Variants in C2orf76 observed in about 807,000 individuals in gnomAD.
The protein encoded by C2orf76 is chromosome 2 open reading frame 76.
C2orf76 carries 23 observed loss-of-function variants against 16.9 expected under a neutral mutation model. That is an observed-to-expected ratio of 1.36 (90% confidence interval 0.98 to 1.93). C2orf76 has a LOEUF of 1.93. C2orf76 is among the 30% of genes most tolerant of loss of function. The pLI is 0.00. For synonymous variants in C2orf76, 48 were observed against 52.3 expected, an observed-to-expected ratio of 0.92 and a Z score of 0.35; for missense variants, 152 against 152.6, an observed-to-expected ratio of 1.00 and a Z score of 0.02.
At chr2:119,300,768 AT>A (rs1163514756), downstream of C2orf76, among the ~76,000 whole-genome samples, 1 of 152,254 alleles carries the variant, frequency 6.6e-6, no homozygotes, top group Non-Finnish European at 1.5e-5. Flanking sequence ...AAAGTATTAA[AT>A]ATTTCATGTA....
the C2orf76 span, among the ~76,000 whole-genome samples, chr2:119,287,839 A>T: frequency 0.46 from 69,863 of 152,102 alleles, 16,578 homozygotes; most frequent in African/African-American, 0.58. Flanking sequence ...CCAATTTCTT[A>T]TAATATTAGA....
At chr2:119,286,776 C>T in the C2orf76 span, among the ~76,000 whole-genome samples, 4 of 151,886 alleles carry the variant, frequency 2.6e-5, no homozygotes, top group African/African-American at 4.8e-5. Context: ...AGTGTCTCTG[C>T]GGTCAGGATG....
chr2:119,343,680 C>A (rs1190963645), intron 1 of C2orf76, among the ~76,000 whole-genome samples: 1 of 152,166 alleles, frequency 6.6e-6, no homozygotes, highest in East Asian at 1.9e-4. Flanking sequence ...TGCCTGTAGT[C>A]CCAGCTACTC....
At chr2:119,336,113 G>A (rs1159700788) in intron 2 of C2orf76, among the ~76,000 whole-genome samples, 1 of 152,016 alleles carries the variant, frequency 6.6e-6, no homozygotes, top group East Asian at 1.9e-4. Context: ...CCATTTCCCA[G>A]GCCAGGTACA....
At chr2:119,304,973 G>A (rs894901043) in intron 5 of C2orf76, among the ~76,000 whole-genome samples, 2 of 152,156 alleles carry the variant, frequency 1.3e-5, no homozygotes, top group African/African-American at 4.8e-5. Context: ...AACTGGCTGG[G>A]GATGAACCCT....
At chr2:119,286,615 G>A in the C2orf76 span, among the ~76,000 whole-genome samples, 2 of 152,136 alleles carry the variant, frequency 1.3e-5, no homozygotes, top group African/African-American at 2.4e-5. Context: ...GAGTGTGCTC[G>A]TGATTCGGAA....
In C2orf76 at chr2:119,321,204, T is replaced by C. The variant is rs1448271997; in HGVS notation, c.134A>G (p.Asp45Gly). The C allele has an allele frequency of 2.2e-6, 3 of 1,362,806 alleles. No individual in the cohort carries two copies. The highest frequency in any genetic ancestry group is 2.7e-5 in the South Asian group (2 of 74,262). The allele number at this position is 1,362,806 out of a possible 1,614,324, so 84.4% of individuals were successfully genotyped here. Residue 45 changes from aspartate (D) to glycine (G), a missense_variant and splice_region_variant, in exon 3 of 6, where the codon GAT (aspartate) becomes GGT (glycine). Asp to Gly is a moderately conservative substitution (Grantham distance 94, BLOSUM62 -1). Coordinates refer to ENST00000334816, the MANE Select transcript of C2orf76 (RefSeq NM_001322331.2). ...TGGCAGGTTGGTCCTTAAAGGGATA[T>C]CTACAAGAGAAAGATTATTTTTTTA... is the stretch of plus-strand genomic sequence containing the variant. ...VKEFIVFLKQ[D>G]IPLRTNLPPP...
chr2:119,292,573 G>A, the C2orf76 span, among the ~76,000 whole-genome samples: 1 of 152,098 alleles, frequency 6.6e-6, no homozygotes, highest in Non-Finnish European at 1.5e-5. Context: ...TATGCACACA[G>A]GACTGCTGAC....
chr2:119,364,097 A>G (rs898023248), intron 1 of C2orf76, among the ~76,000 whole-genome samples: 2 of 151,992 alleles, frequency 1.3e-5, no homozygotes, highest in Non-Finnish European at 2.9e-5. Flanking sequence ...AGAGAGAGGT[A>G]GGGCAGAGAG....
chr2:119,323,959 T>C lies in C2orf76; in HGVS notation c.134-2755A>G, dbSNP rs574831186. On this transcript the variant is annotated intron_variant, in intron 2 of 5. Transcript: ENST00000334816. ...GCAGGATTTGCCTGCCAGATACCAA[T>C]TTGAAACCTCTGGCTTAGGCTTACC... is the stretch of plus-strand genomic sequence containing the variant. 4.6e-5 allele frequency among the ~76,000 whole-genome samples: 7 copies of C among 152,328 alleles called. No homozygotes were observed. The East Asian group carries it at 1.4e-3, about 29-fold the overall frequency.
At chr2:119,349,357 C>T (rs2104625998) in intron 1 of C2orf76, among the ~76,000 whole-genome samples, 2 of 152,276 alleles carry the variant, frequency 1.3e-5, no homozygotes, top group Non-Finnish European at 2.9e-5. Flanking sequence ...CAATACCAAA[C>T]TTACAGAGTA....
intron 1 of C2orf76, among the ~76,000 whole-genome samples, chr2:119,358,485 G>A (rs1187676711): frequency 2.0e-5 from 3 of 151,128 alleles, no homozygotes; most frequent in Admixed American, 6.6e-5. Context: ...GGCTGAGGCA[G>A]GAGAATCACT....
At chr2:119,366,880 G>A (rs1420622580), upstream of C2orf76, 47 of 844,218 alleles carry the variant, frequency 5.6e-5, no homozygotes, top group East Asian at 1.2e-3. Flanking sequence ...GCGGGGGCTG[G>A]GCACGCCCCT....
At chr2:119,301,170 T>C (rs1307769747), downstream of C2orf76, among the ~76,000 whole-genome samples, 2 of 152,148 alleles carry the variant, frequency 1.3e-5, no homozygotes, top group African/African-American at 4.8e-5. Flanking sequence ...CATTTGCTTG[T>C]ACTATGTCTT....
At chr2:119,353,706 G>T (rs1387723089) in intron 1 of C2orf76, among the ~76,000 whole-genome samples, 1 of 152,022 alleles carries the variant, frequency 6.6e-6, no homozygotes, top group Admixed American at 6.6e-5. Flanking sequence ...GGGACTACGG[G>T]CACACGCTGC....
At chr2:119,324,615 G>C (rs1679450254) in intron 2 of C2orf76, among the ~76,000 whole-genome samples, 1 of 152,146 alleles carries the variant, frequency 6.6e-6, no homozygotes, top group Non-Finnish European at 1.5e-5. Context: ...ATTCATGAAA[G>C]AATACATATA....
At chr2:119,318,016 G>A (rs1285119865) in intron 3 of C2orf76, among the ~76,000 whole-genome samples, 2 of 151,940 alleles carry the variant, frequency 1.3e-5, no homozygotes. Context: ...GGCTGCTAAT[G>A]CCCCAGGAAT....
chr2:119,340,252 CAG>C (rs1679983652), intron 1 of C2orf76: 1 of 301,414 alleles, frequency 3.3e-6, no homozygotes, highest in African/African-American at 2.1e-5. Flanking sequence ...CAAAGTAACA[CAG>C]GGGCATGTGT....
chr2:119,339,938 T>A lies in C2orf76; in HGVS notation c.22A>T (p.Ile8Phe). 8 of 1,612,232 alleles carry A rather than the reference T, an allele frequency of 5.0e-6. No individual in the cohort carries two copies. Among genetic ancestry groups the A allele is most frequent in the Non-Finnish European group, 6.8e-6 (8 of 1,178,368 alleles). ...AAGGAACGGATGAGGCGAACTGTGATGGTCACTTCTCCAGGAGCCATGTGA... is the reference window on the plus strand; with the variant it reads ...AAGGAACGGATGAGGCGAACTGTGAAGGTCACTTCTCCAGGAGCCATGTGA... MAPGEVT[I>F]TVRLIRSFEH... The change falls in exon 2 of 6, where the codon ATC becomes TTC. Residue 8 changes from isoleucine (I) to phenylalanine (F), a missense_variant. Ile to Phe is a conservative substitution (Grantham distance 21, BLOSUM62 0). Transcript: ENST00000334816.
Sources: allele counts gnomAD v4.1 joint callset (sites outside exome capture counted in the v4.1 genomes callset), GRCh38; gene constraint gnomAD v4.1.1; transcripts MANE v1.5; gene names NCBI Gene and HGNC (gene_info 2026-07-23, HGNC 2026-07-21).